GINS1: variants seen among roughly 807,000 people sequenced by gnomAD.
The protein encoded by GINS1 is DNA replication complex GINS protein PSF1.
In GINS1, 26 loss-of-function variants were observed where a neutral mutation model predicts 34.9. That is an observed-to-expected ratio of 0.74 (90% confidence interval 0.55 to 1.03). The LOEUF (loss-of-function observed/expected upper bound fraction) is 1.03. Among genes scored for constraint, GINS1 ranks in the 50% least tolerant of loss-of-function variants. The probability of loss-of-function intolerance (pLI) is 0.00; values close to 1 mark genes in which losing one functional copy is unlikely to be tolerated. For missense variants in GINS1, 235 were observed against 237.9 expected (o/e 0.99, Z 0.08); for synonymous variants, 97 against 84.4 (o/e 1.15, Z -0.82).
intron 1 of GINS1, 107 bp downstream of exon 1, chr20:25,408,002 C>A: frequency 1.3e-6 from 1 of 774,452 alleles, no homozygotes; most frequent in Non-Finnish European, 2.2e-6. Flanking sequence ...TCCCTCCGAG[C>A]TCCGGAAAAC....
intron 5 of GINS1, among the ~76,000 whole-genome samples, chr20:25,426,047 A>G (rs1008982682): frequency 2.6e-5 from 4 of 152,062 alleles, no homozygotes; most frequent in Admixed American, 6.6e-5. Flanking sequence ...CCCATCCCCC[A>G]GCAACCACCA....
chr20:25,447,419 T>C lies in GINS1; in HGVS notation c.*1428T>C, dbSNP rs1186205526. Reference sequence around the variant, plus strand: ...TTTCTTGGGAATATAGATATCCAGCTGTTTCACTACCATTTTTTGAAAGGA... The same window carrying C: ...TTTCTTGGGAATATAGATATCCAGCCGTTTCACTACCATTTTTTGAAAGGA... On this transcript the variant is annotated 3_prime_UTR_variant, in exon 7 of 7. Transcript: ENST00000262460. 1 of 152,242 alleles carries C rather than the reference T, an allele frequency of 6.6e-6. No individual in the cohort carries two copies. Among genetic ancestry groups the C allele is most frequent in the Non-Finnish European group, 1.5e-5 (1 of 68,044 alleles). The allele number at this position is 152,242 out of a possible 1,614,324, so 9.4% of individuals were successfully genotyped here. A position where few individuals can be genotyped will look rare whatever the true frequency, so the allele number is the denominator to read the frequency against.
At position 25,413,056 on chromosome 20, in the gene GINS1, A is replaced by ATT. The variant is rs753937496; in HGVS notation, c.76-719_76-718dup. 6.8e-3 allele frequency among the ~76,000 whole-genome samples: 919 copies of ATT among 135,992 alleles called. 14 individuals are homozygous for ATT. Among genetic ancestry groups the ATT allele is most frequent in the African/African-American group, 0.023 (876 of 37,492 alleles). 89.2% of individuals were successfully genotyped at this position (135,992 alleles called of 152,430 possible). A position where few individuals can be genotyped will look rare whatever the true frequency, so the allele number is the denominator to read the frequency against. ...TTGTTGTGTATGTTGTCAGTAGTTC[A>ATT]TTTTTTTTTTTTTTTTCTTTGAGAC... is the stretch of plus-strand genomic sequence containing the variant. On this transcript the variant is annotated intron_variant, in intron 1 of 6. Coordinates refer to ENST00000262460, the MANE Select transcript of GINS1 (RefSeq NM_021067.5).
intron 5 of GINS1, among the ~76,000 whole-genome samples, chr20:25,430,496 T>C (rs1366763582): frequency 6.6e-6 from 1 of 152,232 alleles, no homozygotes; most frequent in East Asian, 1.9e-4. Context: ...ACTATGCTGC[T>C]GAATTTGATT....
chr20:25,441,754 T>C lies in GINS1; in HGVS notation c.500T>C (p.Val167Ala). The C allele has an allele frequency of 1.3e-6, 2 of 1,555,566 alleles. No homozygotes were observed. The highest frequency in any genetic ancestry group is 1.8e-6 in the Non-Finnish European group (2 of 1,134,012). Residue 167 changes from valine (V) to alanine (A), a missense_variant, in exon 6 of 7, where the codon GTC (valine) becomes GCC (alanine). Transcript: ENST00000262460. ...TTTGAAGTTGATGATGGCACTTCAG[T>C]CCTATTAAAAAAAAATAGCCAGGTA... ...GEFEVDDGTS[V>A]LLKKNSQHFL...
rs575579308 is a variant in GINS1 at position 25,436,826 on chromosome 20, C to T, written c.448-4876C>T. ...GGGACCATTTCTTATTTTTCTTTTT[C>T]CTTTGAATGGACCATACTTTTATGT... On this transcript the variant is annotated intron_variant, in intron 5 of 6. Transcript: ENST00000262460. Among the ~76,000 whole-genome samples the T allele has an allele frequency of 1.3e-4, 20 of 152,094 alleles. No individual in the cohort carries two copies. The East Asian group carries it at 3.7e-3, about 28-fold the overall frequency.
intron 4 of GINS1, among the ~76,000 whole-genome samples, chr20:25,419,301 TAACA>T (rs1476427885): frequency 2.0e-5 from 3 of 151,756 alleles, no homozygotes; most frequent in Non-Finnish European, 2.9e-5. Flanking sequence ...TATACCTATG[TAACA>T]AACCTGCACG....
intron 5 of GINS1, among the ~76,000 whole-genome samples, chr20:25,428,967 CTCTTTTTTTTTTTTTTTTTTTTT>C (rs2090410074): frequency 8.8e-6 from 1 of 114,162 alleles, no homozygotes; most frequent in Non-Finnish European, 1.8e-5. Context: ...TCATTCCTCT[CTCTTTTTTTTTTTTTTTTTTTTT>C]TTTTTTTTTT....
At chr20:25,420,797 GA>G (rs1316294092) in intron 4 of GINS1, 4 of 707,848 alleles carry the variant, frequency 5.7e-6, no homozygotes, top group African/African-American at 4.1e-5. Flanking sequence ...AAAAAAAAAA[GA>G]AAAAAAGAAA....
At chr20:25,433,066 G>T (rs1000615485) in intron 5 of GINS1, among the ~76,000 whole-genome samples, 2 of 151,814 alleles carry the variant, frequency 1.3e-5, no homozygotes, top group African/African-American at 4.8e-5. Context: ...GTGTCTTTGG[G>T]TCTATAGTGA....
At chr20:25,445,437 C>T (rs1600948449) in intron 6 of GINS1, among the ~76,000 whole-genome samples, 2 of 151,960 alleles carry the variant, frequency 1.3e-5, no homozygotes, top group East Asian at 1.9e-4. Flanking sequence ...AGCTCTGCCT[C>T]CCGGGTTCAC....
intron 6 of GINS1, among the ~76,000 whole-genome samples, chr20:25,444,292 C>T (rs897315004): frequency 1.3e-5 from 2 of 151,974 alleles, no homozygotes; most frequent in African/African-American, 2.4e-5. Flanking sequence ...GGATTACAGG[C>T]GTGAGCCACT....
intron 6 of GINS1, among the ~76,000 whole-genome samples, chr20:25,445,192 T>C (rs545104749): frequency 1.3e-5 from 2 of 152,282 alleles, no homozygotes; most frequent in South Asian, 2.1e-4. Flanking sequence ...ACAGCAAATA[T>C]AGTTTAACTT....
At chr20:25,429,830 T>A (rs1372074351) in intron 5 of GINS1, among the ~76,000 whole-genome samples, 1 of 152,260 alleles carries the variant, frequency 6.6e-6, no homozygotes, top group East Asian at 1.9e-4. Flanking sequence ...TTACTCTGAC[T>A]GTAACTCCAG....
chr20:25,419,978 A>G (rs184261316), intron 4 of GINS1, among the ~76,000 whole-genome samples: 118 of 151,998 alleles, frequency 7.8e-4, no homozygotes, highest in African/African-American at 2.8e-3. Flanking sequence ...GTTTCTTACA[A>G]TTTAGTAAAT....
At chr20:25,409,830 A>T (rs1191000318) in intron 1 of GINS1, among the ~76,000 whole-genome samples, 2 of 152,344 alleles carry the variant, frequency 1.3e-5, no homozygotes, top group Admixed American at 1.3e-4. Flanking sequence ...TGAATGCAGA[A>T]GTGTGTAAAT....
intron 4 of GINS1, among the ~76,000 whole-genome samples, chr20:25,421,754 C>T (rs2090356702): frequency 6.6e-6 from 1 of 152,010 alleles, no homozygotes; most frequent in Non-Finnish European, 1.5e-5. Flanking sequence ...TCTACATTTC[C>T]CTTTTATCTG....
At chr20:25,417,054 A>T in intron 2 of GINS1, 50 bp from the exon 3 acceptor site, 1 of 836,536 alleles carries the variant, frequency 1.2e-6, no homozygotes, top group Non-Finnish European at 2.0e-6. Flanking sequence ...TGAAAATTTT[A>T]CTTATCCTGA....
intron 2 of GINS1, 31 bp from the exon 3 acceptor site, chr20:25,417,073 T>C (rs1600922232): frequency 1.0e-6 from 1 of 972,162 alleles, no homozygotes; most frequent in South Asian, 1.4e-5. Flanking sequence ...GAAAAGTACA[T>C]ATTTTTTTTC....
Sources: gnomAD v4.1 joint callset for allele counts (sites outside exome capture counted in the v4.1 genomes callset) on GRCh38, gnomAD v4.1.1 for gene constraint, MANE v1.5 for transcripts, NCBI Gene and HGNC (gene_info 2026-07-23, HGNC 2026-07-21) for gene names.